Variants in RADIL observed in about 807,000 individuals in gnomAD.
RADIL encodes the protein Rap associating with DIL domain.
A neutral mutation model predicts 97.6 loss-of-function variants in RADIL; 99 were observed. The observed-to-expected ratio is 1.01, with a 90% CI of 0.86 to 1.20. The LOEUF (loss-of-function observed/expected upper bound fraction) is 1.20. Ranked by LOEUF, RADIL falls within the 50% of genes most tolerant of loss-of-function variation. The pLI, the probability that RADIL is intolerant of heterozygous loss-of-function variation, is 0.00. For missense variants in RADIL, 1,765 were observed against 1,498.9 expected (o/e 1.18, Z -2.93); for synonymous variants, 803 against 691.8 (o/e 1.16, Z -2.52).
rs1227362355 is a variant in RADIL, at chr7:4,849,670, C to T, written c.536-13065G>A. Reference sequence around the variant, plus strand: ...CTAGAGACAGCAGGGGGTGCCACATCACCAATCCTCTTGAGGACAAAGAAA... The same window carrying T: ...CTAGAGACAGCAGGGGGTGCCACATTACCAATCCTCTTGAGGACAAAGAAA... On this transcript the variant is annotated intron_variant, in intron 2 of 14. Transcript: ENST00000399583. The surrounding 1 kb of genome is among the most constrained non-coding windows in gnomAD (Gnocchi z 5.4). 6.6e-6 allele frequency among the ~76,000 whole-genome samples: 1 copy of T among 152,182 alleles called. No individual in the cohort carries two copies. The highest frequency in any genetic ancestry group is 2.4e-5 in the African/African-American group (1 of 41,446).
At chr7:4,882,456 T>C (rs1219901901) in intron 1 of RADIL, among the ~76,000 whole-genome samples, 1 of 152,128 alleles carries the variant, frequency 6.6e-6, no homozygotes, top group African/African-American at 2.4e-5. Flanking sequence ...TTAGAGAATG[T>C]TTTCTCTTGT....
chr7:4,854,962 T>C lies in RADIL; in HGVS notation c.536-18357A>G, dbSNP rs1307914986. Among the ~76,000 whole-genome samples, 5 of 152,178 alleles carry C rather than the reference T, an allele frequency of 3.3e-5. No homozygotes were observed. Among genetic ancestry groups the C allele is most frequent in the Admixed American group, 1.3e-4 (2 of 15,286 alleles). ...AACATGGCCTTTTTTCATTTATAGTTACACCACACATTTTTGGAACCCTAA... is the reference window on the plus strand; with the variant it reads ...AACATGGCCTTTTTTCATTTATAGTCACACCACACATTTTTGGAACCCTAA... On this transcript the variant is annotated intron_variant, in intron 2 of 14. Coordinates refer to ENST00000399583, the MANE Select transcript of RADIL (RefSeq NM_018059.5). The surrounding 1 kb of genome is among the most constrained non-coding windows in gnomAD (Gnocchi z 5.1).
intron 2 of RADIL, among the ~76,000 whole-genome samples, chr7:4,844,531 T>G (rs1212168958): frequency 2.0e-5 from 3 of 152,242 alleles, no homozygotes; most frequent in Non-Finnish European, 4.4e-5. Flanking sequence ...CAAAAGAATC[T>G]ATGGAAAAAT....
At chr7:4,803,442 G>T (rs1195008542) in intron 11 of RADIL, 104 bp downstream of exon 11, 5 of 969,106 alleles carry the variant, frequency 5.2e-6, no homozygotes, top group Non-Finnish European at 5.7e-6. Flanking sequence ...CTCGGGGCAC[G>T]CTGGCTGGGT....
chr7:4,805,591 CT>C lies in RADIL; in HGVS notation c.2264del (p.Gln755ArgfsTer117). On this transcript the variant is annotated frameshift_variant, in exon 10 of 15. Coordinates refer to ENST00000399583, the MANE Select transcript of RADIL (RefSeq NM_018059.5). LOFTEE classifies it high-confidence loss of function. ...GPMSTWEPGAQDSPEAFRSED... is the reference protein window; with the variant it reads ...GPMSTWEPGAXDSPEAFRSED... ...CTGACCTGAAGGCCTCGGGGCTGTC[CT>C]GGGCCCCTGGCTCCCAGGTGCTCAT... The C allele has an allele frequency of 6.2e-7, 1 of 1,611,154 alleles. No individual in the cohort carries two copies. The highest frequency in any genetic ancestry group is 8.5e-7 in the Non-Finnish European group (1 of 1,179,282).
chr7:4,806,180 C>CAAAAA, intron 9 of RADIL: 6 of 641,768 alleles, frequency 9.3e-6, no homozygotes, highest in East Asian at 1.4e-4. Flanking sequence ...GACAGAGTCT[C>CAAAAA]ATGCTGTCAC....
At chr7:4,856,867 G>C (rs1783845467) in intron 2 of RADIL, among the ~76,000 whole-genome samples, 1 of 152,218 alleles carries the variant, frequency 6.6e-6, no homozygotes, top group Admixed American at 6.5e-5. Flanking sequence ...TCCGGCCCTG[G>C]CCATCTGTTT....
chr7:4,817,722 C>A lies in RADIL; in HGVS notation c.1616-371G>T, dbSNP rs1782714655. 6.6e-6 allele frequency among the ~76,000 whole-genome samples: 1 copy of A among 152,194 alleles called. No individual in the cohort carries two copies. Among genetic ancestry groups the A allele is most frequent in the African/African-American group, 2.4e-5 (1 of 41,458 alleles). The stretch of plus-strand genomic sequence containing the variant: ...GCCTCCCCACAGGTCACCTCTCACT[C>A]GCGACACGGGTCACAGGACTCTGGC... On this transcript the variant is annotated intron_variant, in intron 6 of 14. Coordinates refer to ENST00000399583, the MANE Select transcript of RADIL (RefSeq NM_018059.5). This position sits in a 1 kb window ranked among gnomAD's most constrained non-coding sequence, Gnocchi z 8.3.
In RADIL at chr7:4,834,896, G is replaced by C. The variant is rs1490129673; in HGVS notation, c.1127C>G (p.Pro376Arg). ...GGCCCCGCACAGCCGGCAGCTCTGC[G>C]GCACAGCCCGGAGGCGCGCCAAGGC... ...ARALARLRAV[P>R]QSCRLCGAAL... is the part of the protein sequence containing the mutation. Residue 376 changes from proline to arginine, a missense_variant, in exon 4 of 15, where the codon CCG (proline) becomes CGG (arginine). Transcript: ENST00000399583. The surrounding 1 kb of genome is among the most constrained non-coding windows in gnomAD (Gnocchi z 6.0). 1 of 1,476,658 alleles carries C rather than the reference G, an allele frequency of 6.8e-7. No individual in the cohort carries two copies. The highest frequency in any genetic ancestry group is 1.4e-5 in the South Asian group (1 of 72,346). The allele number at this position is 1,476,658 out of a possible 1,614,324, so 91.5% of individuals were successfully genotyped here.
intron 9 of RADIL, among the ~76,000 whole-genome samples, chr7:4,807,856 CCT>C (rs1782380418): frequency 2.6e-5 from 1 of 38,586 alleles, no homozygotes; most frequent in Non-Finnish European, 5.5e-5. Flanking sequence ...CTCTCCCCTC[CCT>C]GCCTCTCTCT....
In RADIL at chr7:4,835,206, G is replaced by T. The variant is rs540067171; in HGVS notation, c.817C>A (p.His273Asn). 6.3e-5 allele frequency: 101 copies of T among 1,611,594 alleles called. 3 individuals are homozygous for T. In the South Asian group the frequency reaches 1.1e-3, roughly 17 times the overall value. ...SLVYVLNRDRHTVGQRTPSSK... is the reference protein window; with the variant it reads ...SLVYVLNRDRNTVGQRTPSSK... ...GAGGGGGTCCGCTGGCCCACCGTGT[G>T]CCGGTCCCGGTTGAGCACATACACC... The change falls in exon 4 of 15, where the codon CAC (histidine) becomes AAC (asparagine). Residue 273 changes from histidine (H) to asparagine (N), a missense_variant. Physicochemically the swap from His to Asn is moderately conservative, Grantham distance 68. Coordinates refer to ENST00000399583, the MANE Select transcript of RADIL (RefSeq NM_018059.5). The surrounding 1 kb of genome is among the most constrained non-coding windows in gnomAD (Gnocchi z 5.8).
At chr7:4,832,282 C>T in intron 4 of RADIL, 104 bp from the exon 5 acceptor site, 1 of 1,146,132 alleles carries the variant, frequency 8.7e-7, no homozygotes, top group Non-Finnish European at 1.3e-6. Context: ...CCATGCTGCC[C>T]CAGGCATCCT....
In RADIL at chr7:4,835,328, C is replaced by G; in HGVS notation, c.784-89G>C. On this transcript the variant is annotated intron_variant, in intron 3 of 14. Transcript: ENST00000399583. The surrounding 1 kb of genome is among the most constrained non-coding windows in gnomAD (Gnocchi z 5.8). ...GTCTAGTCACTGGTTGCTGAAGCAG[C>G]GTGGCTGGGATGCTGTCGCCACGGG... The G allele has an allele frequency of 2.7e-6, 4 of 1,508,940 alleles. No homozygotes were observed. Among genetic ancestry groups the G allele is most frequent in the Non-Finnish European group, 3.6e-6 (4 of 1,126,202 alleles). 93.5% of individuals were successfully genotyped at this position (1,508,940 alleles called of 1,614,324 possible).
chr7:4,826,597 G>T (rs887148143), intron 5 of RADIL, among the ~76,000 whole-genome samples: 4 of 151,948 alleles, frequency 2.6e-5, no homozygotes, highest in Non-Finnish European at 4.4e-5. Flanking sequence ...GCCGGGCGTG[G>T]TGGCGCGTGC....
In RADIL at chr7:4,799,733, T is replaced by C. The variant is rs763273426; in HGVS notation, c.3019A>G (p.Thr1007Ala). 9.6e-6 allele frequency: 15 copies of C among 1,560,180 alleles called. No homozygotes were observed. In the South Asian group the frequency reaches 1.5e-4, roughly 16 times the overall value. The part of the protein sequence containing the change: ...HLGAPGLYIQ[T>A]LLPGSPAAAD... ...GCTGCGGGGCTGCCCGGGAGCAGGGTCTGGATGTAGAGCCCGGGGGCGCCC... is the reference window on the plus strand; with the variant it reads ...GCTGCGGGGCTGCCCGGGAGCAGGGCCTGGATGTAGAGCCCGGGGGCGCCC... Residue 1007 changes from threonine to alanine, a missense_variant, in exon 14 of 15, where the codon ACC (threonine) becomes GCC (alanine). Transcript: ENST00000399583.
At chr7:4,853,707 A>C (rs1783761937) in intron 2 of RADIL, among the ~76,000 whole-genome samples, 1 of 144,998 alleles carries the variant, frequency 6.9e-6, no homozygotes. Flanking sequence ...ACGCCACTGC[A>C]CTCCAGCCTG....
rs1781987459 is a variant in RADIL at position 4,798,918 on chromosome 7, T to C, written c.*460A>G. 1 of 171,724 alleles carries C rather than the reference T, an allele frequency of 5.8e-6. No individual in the cohort carries two copies. The highest frequency in any genetic ancestry group is 1.3e-5 in the Non-Finnish European group (1 of 79,170). The allele number at this position is 171,724 out of a possible 1,614,324, so 10.6% of individuals were successfully genotyped here. On this transcript the variant is annotated 3_prime_UTR_variant, in exon 15 of 15. Transcript: ENST00000399583. ...TTCAGCTGGGAGGGGCTGTTGGAGC[T>C]GCTTCCTGCAGTGCCCTGTGTCTGG...
intron 9 of RADIL, chr7:4,809,329 G>C (rs1030937848): frequency 4.8e-5 from 47 of 985,252 alleles, no homozygotes; most frequent in Non-Finnish European, 5.2e-5. Flanking sequence ...CCCTAGCCAG[G>C]AGAAGTCCTG....
At chr7:4,861,852 C>CGACCTTCACGTCCCCCACCACCGT (rs760561656) in intron 2 of RADIL, 1 of 1,322,148 alleles carries the variant, frequency 7.6e-7, no homozygotes, top group Non-Finnish European at 9.8e-7. Flanking sequence ...CCCACCACCG[C>CGACCTTCACGTCCCCCACCACCGT]GACCTTCGCG....
Sources: allele counts gnomAD v4.1 joint callset (sites outside exome capture counted in the v4.1 genomes callset), GRCh38; gene constraint gnomAD v4.1.1; non-coding constraint Gnocchi (gnomAD v3.1); transcripts MANE v1.5; gene names NCBI Gene and HGNC (gene_info 2026-07-23, HGNC 2026-07-21).